The following HIVEP1 variants were observed in gnomAD, a reference collection of about 807,000 sequenced individuals.
The protein encoded by HIVEP1 is zinc finger protein 40.
Under a neutral mutation model 180.0 loss-of-function variants are expected in HIVEP1, and 36 were observed. The ratio of observed to expected loss-of-function variants is 0.20; its 90% CI spans 0.15 to 0.26. The LOEUF is 0.26. HIVEP1 is among the 10% of genes least tolerant of loss of function. The pLI is 1.00. For synonymous variants in HIVEP1, 1,239 were observed against 1,239.0 expected (o/e 1.00, Z 0.00); for missense variants, 3,143 against 3,268.7 (o/e 0.96, Z 0.94).
chr6:12,017,420 G>A (rs960312882), intron 2 of HIVEP1, among the ~76,000 whole-genome samples: 1 of 152,244 alleles, frequency 6.6e-6, no homozygotes, highest in African/African-American at 2.4e-5. Context: ...CACCTTTGCG[G>A]TGAGTTTTAT....
At chr6:12,026,966 G>C (rs1197189646) in intron 2 of HIVEP1, among the ~76,000 whole-genome samples, 2 of 152,214 alleles carry the variant, frequency 1.3e-5, no homozygotes, top group Non-Finnish European at 2.9e-5. Context: ...CTAGGGATCA[G>C]TAAATCCTGA....
chr6:12,076,089 A>G (rs1454347087), intron 2 of HIVEP1, among the ~76,000 whole-genome samples: 2 of 151,888 alleles, frequency 1.3e-5, no homozygotes, highest in East Asian at 3.9e-4. Flanking sequence ...AAAGGAACTG[A>G]GTTGTTTGTC....
intron 2 of HIVEP1, among the ~76,000 whole-genome samples, chr6:12,061,675 T>C (rs1771245451): frequency 6.6e-6 from 1 of 152,052 alleles, no homozygotes; most frequent in African/African-American, 2.4e-5. Context: ...TGCTAACAAG[T>C]TTATAGTATG....
the HIVEP1 span, among the ~76,000 whole-genome samples, chr6:12,204,279 T>A: frequency 6.8e-6 from 1 of 146,706 alleles, no homozygotes; most frequent in South Asian, 2.2e-4. Context: ...AGAGTTTCTC[T>A]TGGGCTCAGC....
rs577455635 is a variant in HIVEP1 at position 12,042,204 on chromosome 6, C to A, written c.40+26536C>A. Among the ~76,000 whole-genome samples the A allele has an allele frequency of 6.6e-5, 10 of 150,576 alleles. 1 individual carries two copies. Among genetic ancestry groups the A allele is most frequent in the African/African-American group, 2.5e-4 (10 of 40,470 alleles). On this transcript the variant is annotated intron_variant, in intron 2 of 8. Coordinates refer to ENST00000379388, the MANE Select transcript of HIVEP1 (RefSeq NM_002114.4). Reference sequence around the variant, plus strand: ...ACGCCATTCTCCTGCCTCAGCCTCCCGAGTAGCTGGGACTACAGGCGCCCG... The same window carrying A: ...ACGCCATTCTCCTGCCTCAGCCTCCAGAGTAGCTGGGACTACAGGCGCCCG...
At chr6:12,181,764 A>T in the HIVEP1 span, among the ~76,000 whole-genome samples, 1 of 152,240 alleles carries the variant, frequency 6.6e-6, no homozygotes, top group African/African-American at 2.4e-5. Context: ...TCATAGTGAT[A>T]CAAGTTGCAA....
At chr6:12,110,794 C>G (rs1368716736) in intron 3 of HIVEP1, among the ~76,000 whole-genome samples, 2 of 152,200 alleles carry the variant, frequency 1.3e-5, no homozygotes, top group South Asian at 2.1e-4. Context: ...CACAACTTGG[C>G]TTACTGGCTG....
rs1757752690 is a variant in HIVEP1 at position 12,122,659 on chromosome 6, G to A, written c.2864G>A (p.Arg955Gln). 3.1e-6 allele frequency: 5 copies of A among 1,614,080 alleles called. No homozygotes were observed. The highest frequency in any genetic ancestry group is 1.3e-5 in the African/African-American group (1 of 74,944). Reference sequence around the variant, plus strand: ...GAAAAAAAGAAGTCTCATCAAGGGCGAGGGACAATGTTTGAGTGTGAAACT... The same window carrying A: ...GAAAAAAAGAAGTCTCATCAAGGGCAAGGGACAATGTTTGAGTGTGAAACT... ...HIEKKKSHQG[R>Q]GTMFECETCR... Residue 955 changes from arginine (R) to glutamine (Q), a missense_variant, in exon 4 of 9, where the codon CGA becomes CAA. Physicochemically the swap from Arg to Gln is conservative, Grantham distance 43. Coordinates refer to ENST00000379388, the MANE Select transcript of HIVEP1 (RefSeq NM_002114.4).
At chr6:12,024,395 G>A (rs772185531) in intron 2 of HIVEP1, among the ~76,000 whole-genome samples, 1 of 152,052 alleles carries the variant, frequency 6.6e-6, no homozygotes, top group Non-Finnish European at 1.5e-5. Flanking sequence ...ATAACAAAAC[G>A]GTTGGCTGCT....
In HIVEP1 at chr6:12,125,697, T is replaced by G. The variant is rs747394911; in HGVS notation, c.5902T>G (p.Trp1968Gly). Reference protein sequence around the residue: ...KDQKTSAYTDWTVSASNPNPL... With the variant: ...KDQKTSAYTDGTVSASNPNPL... ...CCAGAAAACTTCAGCCTATACTGAT[T>G]GGACAGTAAGCGCCAGTAATCCAAA... Residue 1968 changes from tryptophan to glycine, a missense_variant, in exon 4 of 9, where the codon TGG becomes GGG. Around this residue, in one of 12 missense-constraint regions of HIVEP1, gnomAD observed 1,357 missense variants for 1,260.5 expected, o/e 1.08. Coordinates refer to ENST00000379388, the MANE Select transcript of HIVEP1 (RefSeq NM_002114.4). 3 of 1,614,216 alleles carry G rather than the reference T, an allele frequency of 1.9e-6. No homozygotes were observed. The highest frequency in any genetic ancestry group is 4.5e-5 in the East Asian group (2 of 44,886).
At chr6:12,112,558 C>T (rs1319067219) in intron 3 of HIVEP1, among the ~76,000 whole-genome samples, 1 of 152,026 alleles carries the variant, frequency 6.6e-6, no homozygotes, top group African/African-American at 2.4e-5. Flanking sequence ...TTTATTCTTC[C>T]TTTTCCTGCC....
At chr6:12,092,614 G>A (rs1402214012) in intron 3 of HIVEP1, among the ~76,000 whole-genome samples, 1 of 151,866 alleles carries the variant, frequency 6.6e-6, no homozygotes, top group African/African-American at 2.4e-5. Flanking sequence ...TTTTTTTTGG[G>A]GAAACTTTTT....
the HIVEP1 span, among the ~76,000 whole-genome samples, chr6:12,182,928 G>A: frequency 2.6e-5 from 4 of 152,042 alleles, no homozygotes; most frequent in Non-Finnish European, 4.4e-5. Context: ...GGCCCTCCCC[G>A]GTGACTCAAG....
At chr6:12,099,694 C>T (rs1357516932) in intron 3 of HIVEP1, among the ~76,000 whole-genome samples, 1 of 152,100 alleles carries the variant, frequency 6.6e-6, no homozygotes, top group Admixed American at 6.5e-5. Context: ...GCACTTACTA[C>T]AGTTCTTAGT....
intron 3 of HIVEP1, among the ~76,000 whole-genome samples, chr6:12,114,033 G>C (rs951707149): frequency 2.0e-5 from 3 of 151,984 alleles, no homozygotes; most frequent in Non-Finnish European, 2.9e-5. Context: ...TTCACTACCT[G>C]TTTATAAACA....
intron 1 of HIVEP1, among the ~76,000 whole-genome samples, chr6:12,013,915 GT>G (rs1432794698): frequency 1.3e-5 from 2 of 152,206 alleles, no homozygotes; most frequent in East Asian, 3.8e-4. Context: ...AAATACTGAA[GT>G]TAATCGTGGC....
intron 3 of HIVEP1, among the ~76,000 whole-genome samples, chr6:12,114,609 A>AG (rs1775106016): frequency 6.6e-6 from 1 of 151,936 alleles, no homozygotes; most frequent in Admixed American, 6.6e-5. Context: ...CTCTCTCTAG[A>AG]GGGAAAAAAA....
At chr6:12,179,038 G>A in the HIVEP1 span, among the ~76,000 whole-genome samples, 7 of 152,128 alleles carry the variant, frequency 4.6e-5, no homozygotes, top group Non-Finnish European at 1.0e-4. Flanking sequence ...ATAAACAAAT[G>A]AAGTATAGAA....
At chr6:12,186,322 T>C in the HIVEP1 span, among the ~76,000 whole-genome samples, 1 of 150,996 alleles carries the variant, frequency 6.6e-6, no homozygotes, top group Non-Finnish European at 1.5e-5. Context: ...AAATGCTAAG[T>C]GAAAGAAGCC....
Sources: gnomAD v4.1 joint callset for allele counts (sites outside exome capture counted in the v4.1 genomes callset) on GRCh38, gnomAD v4.1.1 for gene constraint, gnomAD v4.1.1 regional missense constraint, MANE v1.5 for transcripts, NCBI Gene and HGNC (gene_info 2026-07-23, HGNC 2026-07-21) for gene names.